Variants in FOXP1 observed in about 807,000 individuals in gnomAD.
The protein encoded by FOXP1 is forkhead box P1.
In FOXP1, 15 loss-of-function variants were observed where a neutral mutation model predicts 98.2. The ratio of observed to expected loss-of-function variants is 0.15; its 90% CI spans 0.10 to 0.24. The LOEUF (loss-of-function observed/expected upper bound fraction) is 0.24, where lower values mean the gene tolerates loss of function less well. FOXP1 is among the 10% of genes least tolerant of loss of function. The probability of loss-of-function intolerance (pLI) is 1.00; values close to 1 mark genes in which losing one functional copy is unlikely to be tolerated. For synonymous variants in FOXP1, 371 were observed against 314.5 expected (o/e 1.18, Z -1.90); for missense variants, 633 against 848.5 (o/e 0.75, Z 3.15).
intron 4 of FOXP1, among the ~76,000 whole-genome samples, chr3:71,317,664 A>C (rs953916732): frequency 2.8e-5 from 4 of 143,848 alleles, no homozygotes; most frequent in South Asian, 2.2e-4. Context: ...GTGAGAGTTA[A>C]TTTTTTTTTT....
chr3:71,425,177 A>G (rs1255562898), intron 3 of FOXP1, among the ~76,000 whole-genome samples: 1 of 152,032 alleles, frequency 6.6e-6, no homozygotes, highest in Admixed American at 6.6e-5. Context: ...GTGCAGTGGC[A>G]CAATCTCGGC....
At chr3:71,088,734 C>T (rs1576681728) in intron 7 of FOXP1, among the ~76,000 whole-genome samples, 1 of 152,188 alleles carries the variant, frequency 6.6e-6, no homozygotes, top group Non-Finnish European at 1.5e-5. Context: ...CTTAAAATCA[C>T]TCTGAGATTA....
intron 11 of FOXP1, among the ~76,000 whole-genome samples, chr3:71,034,166 C>A: frequency 6.6e-6 from 1 of 152,264 alleles, no homozygotes; most frequent in Non-Finnish European, 1.5e-5. Flanking sequence ...AGGAAACTGG[C>A]AACGGGGATT....
intron 6 of FOXP1, 22 bp from the exon 7 acceptor site, chr3:71,112,659 TC>T (rs2058036524): frequency 1.9e-6 from 3 of 1,572,086 alleles, no homozygotes; most frequent in Non-Finnish European, 2.6e-6. Flanking sequence ...AACAAGAAAA[TC>T]CTTTGCGTTA....
chr3:71,249,593 T>A (rs1480914190), intron 5 of FOXP1, among the ~76,000 whole-genome samples: 3 of 152,180 alleles, frequency 2.0e-5, no homozygotes, highest in African/African-American at 4.8e-5. Context: ...AGACACCTGA[T>A]CCTTGGACAC....
intron 8 of FOXP1, 150 bp from the exon 9 acceptor site, chr3:71,052,776 C>A: frequency 1.5e-6 from 1 of 687,478 alleles, no homozygotes; most frequent in South Asian, 1.5e-5. Context: ...ATAAATTCAG[C>A]GCACACTGAC....
intron 2 of FOXP1, chr3:71,574,144 TAA>T (rs1402082417): frequency 3.9e-5 from 6 of 152,192 alleles, no homozygotes; most frequent in Non-Finnish European, 5.9e-5. Context: ...ACAGAAATTT[TAA>T]AAGTTTTTAT....
intron 4 of FOXP1, among the ~76,000 whole-genome samples, chr3:71,309,608 AC>A (rs949320176): frequency 2.0e-5 from 3 of 152,182 alleles, no homozygotes; most frequent in African/African-American, 7.2e-5. Flanking sequence ...CCCTGAGCCA[AC>A]CCACACCAAT....
chr3:71,329,244 G>C (rs934197031), intron 4 of FOXP1, among the ~76,000 whole-genome samples: 15 of 151,146 alleles, frequency 9.9e-5, no homozygotes, highest in Non-Finnish European at 2.2e-4. Flanking sequence ...TTTTTTGAGA[G>C]GGAGTCTCCC....
At chr3:71,491,997 C>G (rs948447727) in intron 3 of FOXP1, among the ~76,000 whole-genome samples, 1 of 152,174 alleles carries the variant, frequency 6.6e-6, no homozygotes, top group Non-Finnish European at 1.5e-5. Flanking sequence ...GACCAAATAG[C>G]TATGGTCCAG....
intron 7 of FOXP1, among the ~76,000 whole-genome samples, chr3:71,054,483 T>C (rs1387950406): frequency 1.3e-5 from 2 of 152,234 alleles, no homozygotes; most frequent in Non-Finnish European, 2.9e-5. Flanking sequence ...GCAAGGAACC[T>C]GCACACTGTA....
chr3:70,998,939 A>G (rs998321943), intron 13 of FOXP1, among the ~76,000 whole-genome samples: 1 of 152,236 alleles, frequency 6.6e-6, no homozygotes, highest in African/African-American at 2.4e-5. Flanking sequence ...TAGTCTAGAA[A>G]CGGCTACCCG....
At chr3:71,055,231 TC>T (rs2050460630) in intron 7 of FOXP1, among the ~76,000 whole-genome samples, 1 of 152,218 alleles carries the variant, frequency 6.6e-6, no homozygotes, top group African/African-American at 2.4e-5. Context: ...TAAAAATGGT[TC>T]CTGAAGGTCA....
chr3:71,152,345 C>G (rs1444157653), intron 6 of FOXP1, among the ~76,000 whole-genome samples: 1 of 152,172 alleles, frequency 6.6e-6, no homozygotes, highest in African/African-American at 2.4e-5. Context: ...ATTTGTGAGA[C>G]TCTGAGCAGA....
chr3:71,156,508 G>A (rs199768911), intron 6 of FOXP1, among the ~76,000 whole-genome samples: 1 of 64,870 alleles, frequency 1.5e-5, no homozygotes, highest in Non-Finnish European at 2.9e-5. Flanking sequence ...GAGCCTGGGA[G>A]GGGGGGAAAA....
chr3:70,961,366 G>A (rs1167418869), intron 20 of FOXP1, among the ~76,000 whole-genome samples: 1 of 152,044 alleles, frequency 6.6e-6, no homozygotes, highest in Non-Finnish European at 1.5e-5. Context: ...AAGTAGCTGA[G>A]ATTACAGGGG....
chr3:71,512,840 T>C (rs1001318048), intron 2 of FOXP1, among the ~76,000 whole-genome samples: 6 of 152,172 alleles, frequency 3.9e-5, no homozygotes, highest in African/African-American at 1.4e-4. Flanking sequence ...TATTTCAGAC[T>C]TTCTGTGACT....
rs796116319 is a variant in FOXP1 at position 71,494,917 on chromosome 3, GA to G, written c.-297-1363del. On this transcript the variant is annotated intron_variant, in intron 2 of 20. Coordinates refer to ENST00000649528, the MANE Select transcript of FOXP1 (RefSeq NM_001349338.3). ...AAAGCCATGAAGTCTATGTCACATA[GA>G]AAAAAAAAAAAAGAAAAGAAAAAAG... is the stretch of plus-strand genomic sequence containing the variant. Among the ~76,000 whole-genome samples the G allele has an allele frequency of 6.0e-3, 598 of 98,924 alleles. 5 individuals carry two copies. The highest frequency in any genetic ancestry group is 0.013 in the South Asian group (43 of 3,356). The allele number at this position is 98,924 out of a possible 152,430, so 64.9% of individuals were successfully genotyped here.
At chr3:71,003,110 C>T (rs539680038) in intron 12 of FOXP1, among the ~76,000 whole-genome samples, 2 of 152,218 alleles carry the variant, frequency 1.3e-5, no homozygotes, top group Non-Finnish European at 2.9e-5. Flanking sequence ...AGCTGGGCAT[C>T]ACTGCCCTCA....
Sources: gnomAD v4.1 joint callset for allele counts (sites outside exome capture counted in the v4.1 genomes callset) on GRCh38, gnomAD v4.1.1 for gene constraint, MANE v1.5 for transcripts, NCBI Gene and HGNC (gene_info 2026-07-23, HGNC 2026-07-21) for gene names.